Variants in MINK1 observed in about 807,000 individuals in gnomAD.
MINK1 encodes misshapen like kinase 1, also known as misshapen-like kinase 1.
A neutral mutation model predicts 178.4 loss-of-function variants in MINK1; 46 were observed. The observed-to-expected ratio is 0.26, with a 90% CI of 0.20 to 0.33. The LOEUF is 0.33. Among genes scored for constraint, MINK1 ranks in the 10% least tolerant of loss-of-function variants. The probability of loss-of-function intolerance (pLI) is 1.00; values close to 1 mark genes in which losing one functional copy is unlikely to be tolerated. For missense variants in MINK1, 1,366 were observed against 1,814.9 expected (o/e 0.75, Z 4.49); for synonymous variants, 797 against 709.7 (o/e 1.12, Z -1.96).
chr17:4,855,853 A>C (rs1913033283), intron 1 of MINK1, among the ~76,000 whole-genome samples: 1 of 151,686 alleles, frequency 6.6e-6, no homozygotes, highest in Non-Finnish European at 1.5e-5. Flanking sequence ...AGGCACCTGT[A>C]ATCCCAGCTA....
At position 4,885,648 on chromosome 17, in the gene MINK1, C is replaced by A; in HGVS notation, c.639+35C>A. 6.2e-7 allele frequency: 1 copy of A among 1,612,548 alleles called. No homozygotes were observed. The highest frequency in any genetic ancestry group is 1.3e-5 in the African/African-American group (1 of 74,978). ...GGAAAGTTGGGAGCATGGGGGCTGCCAAGGGCGGGAAGCAATATGGGGACC... is the reference window on the plus strand; with the variant it reads ...GGAAAGTTGGGAGCATGGGGGCTGCAAAGGGCGGGAAGCAATATGGGGACC... On this transcript the variant is annotated intron_variant, in intron 7 of 31. Coordinates refer to ENST00000355280, the MANE Select transcript of MINK1 (RefSeq NM_153827.5). The surrounding 1 kb of genome is among the most constrained non-coding windows in gnomAD (Gnocchi z 5.0).
chr17:4,855,837 G>C (rs1913030853), intron 1 of MINK1, among the ~76,000 whole-genome samples: 1 of 151,434 alleles, frequency 6.6e-6, no homozygotes, highest in South Asian at 2.1e-4. Context: ...AGCTGGATGT[G>C]GTAGCAGGCA....
Position 4,894,014 on chromosome 17 carries a change from G to A in MINK1, c.2591G>A (p.Ser864Asn), listed in dbSNP as rs1969156812. 2.5e-6 allele frequency: 4 copies of A among 1,588,568 alleles called. No homozygotes were observed. The highest frequency in any genetic ancestry group is 3.4e-6 in the Non-Finnish European group (4 of 1,166,756). The change falls in exon 22 of 32, where the codon AGC becomes AAC. Residue 864 changes from serine to asparagine, a missense_variant. Ser to Asn is a conservative substitution (Grantham distance 46). Around this residue, in one of 14 missense-constraint regions of MINK1, gnomAD observed 709 missense variants for 692.3 expected, o/e 1.02. Coordinates refer to ENST00000355280, the MANE Select transcript of MINK1 (RefSeq NM_153827.5). The surrounding 1 kb of genome is among the most constrained non-coding windows in gnomAD (Gnocchi z 4.1). ...AGCGATGGGGATACAGACAGCGTCA[G>A]CACCATGGTGGTCCACGACGTCGAG... Reference protein sequence around the residue: ...GRSDGDTDSVSTMVVHDVEEI... With the variant: ...GRSDGDTDSVNTMVVHDVEEI...
intron 1 of MINK1, among the ~76,000 whole-genome samples, chr17:4,834,025 A>G (rs1015520279): frequency 4.6e-5 from 7 of 151,688 alleles, no homozygotes; most frequent in African/African-American, 7.3e-5. Flanking sequence ...CCTTACTTCT[A>G]TCTTCTTCCT....
rs868856720 is a variant in MINK1, at chr17:4,889,663, G to A, written c.1247G>A (p.Arg416Gln). 23 of 1,564,578 alleles carry A rather than the reference G, an allele frequency of 1.5e-5. 1 individual carries two copies. Among genetic ancestry groups the A allele is most frequent in the South Asian group, 3.5e-5 (3 of 85,572 alleles). Reference sequence around the variant, plus strand: ...TCCCCACAGCAACAGCGGCGGGAGCGGGAGCAGCGGAAGCTGCAGGAGAAG... The same window carrying A: ...TCCCCACAGCAACAGCGGCGGGAGCAGGAGCAGCGGAAGCTGCAGGAGAAG... The part of the protein sequence containing the change: ...RRVEEQQRRE[R>Q]EQRKLQEKEQ... The change falls in exon 13 of 32, where the codon CGG (arginine) becomes CAG (glutamine). Residue 416 changes from arginine (R) to glutamine (Q), a missense_variant. Coordinates refer to ENST00000355280, the MANE Select transcript of MINK1 (RefSeq NM_153827.5).
intron 4 of MINK1, among the ~76,000 whole-genome samples, chr17:4,882,119 G>T (rs1353099429): frequency 8.5e-5 from 13 of 152,250 alleles, no homozygotes; most frequent in African/African-American, 3.1e-4. Context: ...TACCTGCCAG[G>T]TGTGTGTGGT....
chr17:4,872,929 C>T lies in MINK1; in HGVS notation c.58-5388C>T, dbSNP rs59946726. Among the ~76,000 whole-genome samples the T allele has an allele frequency of 2.6e-5, 4 of 152,338 alleles. No individual in the cohort carries two copies. The East Asian group carries it at 5.8e-4, about 22-fold the overall frequency. On this transcript the variant is annotated intron_variant, in intron 1 of 31. Transcript: ENST00000355280. Reference sequence around the variant, plus strand: ...CCCCCTTCCTCTCAAGGTTAGACTTCTCCAGAAAGGGTGCTGCCCTCATTT... The same window carrying T: ...CCCCCTTCCTCTCAAGGTTAGACTTTTCCAGAAAGGGTGCTGCCCTCATTT...
At chr17:4,873,705 A>G (rs1451845179) in intron 1 of MINK1, among the ~76,000 whole-genome samples, 1 of 134,244 alleles carries the variant, frequency 7.4e-6, no homozygotes, top group East Asian at 2.1e-4. Context: ...TGCAACCTCC[A>G]CCTCCTGAGT....
At position 4,884,989 on chromosome 17, in the gene MINK1, T is replaced by C; in HGVS notation, c.495T>C (p.Ala165=). 2 of 1,613,828 alleles carry C rather than the reference T, an allele frequency of 1.2e-6. No individual in the cohort carries two copies. The highest frequency in any genetic ancestry group is 1.1e-5 in the South Asian group (1 of 91,050). Reference sequence around the variant, plus strand: ...AGAATGTGCTGCTGACAGAGAATGCTGAGGTCAAGCTAGGTGCGCCGGCTC... The same window carrying C: ...AGAATGTGCTGCTGACAGAGAATGCCGAGGTCAAGCTAGGTGCGCCGGCTC... ...KGQNVLLTEN[A]EVKLVDFGVS... Residue 165 remains alanine (A), a synonymous_variant, in exon 6 of 32, where the codon GCT becomes GCC. Coordinates refer to ENST00000355280, the MANE Select transcript of MINK1 (RefSeq NM_153827.5).
rs559995174 is a variant in MINK1 at position 4,882,538 on chromosome 17, C to A, written c.306+1281C>A. Among the ~76,000 whole-genome samples, 11 of 152,314 alleles carry A rather than the reference C, an allele frequency of 7.2e-5. No homozygotes were observed. In the East Asian group the frequency reaches 2.1e-3, roughly 29 times the overall value. On this transcript the variant is annotated intron_variant, in intron 4 of 31. Transcript: ENST00000355280. ...TGCAATCTTTATGTCTCTAGCAGAC[C>A]TAGAGAATCACTATTTCTTAGCCCC...
In MINK1 at chr17:4,833,623, G is replaced by T. The variant is rs1179671306; in HGVS notation, c.40G>T (p.Asp14Tyr). The T allele has an allele frequency of 2.7e-6, 4 of 1,500,780 alleles. No homozygotes were observed. The highest frequency in any genetic ancestry group is 3.5e-6 in the Non-Finnish European group (4 of 1,131,768). 93.0% of individuals were successfully genotyped at this position (1,500,780 alleles called of 1,614,324 possible). ...CCCCGCCCGCAGCCTGGACGACATC[G>T]ACCTGTCCGCCCTGCGGGTGAGCGC... is the stretch of plus-strand genomic sequence containing the variant. ...PAPARSLDDI[D>Y]LSALRDPAGI... is the part of the protein sequence containing the mutation. The change falls in exon 1 of 32, where the codon GAC (aspartate) becomes TAC (tyrosine). Residue 14 changes from aspartate to tyrosine, a missense_variant. Physicochemically the swap from Asp to Tyr is radical, Grantham distance 160 (BLOSUM62 -3). This residue lies in a region of MINK1 where 22 missense variants were observed against 21.7 expected (regional missense o/e 1.01). Coordinates refer to ENST00000355280, the MANE Select transcript of MINK1 (RefSeq NM_153827.5). The surrounding 1 kb of genome is among the most constrained non-coding windows in gnomAD (Gnocchi z 4.8).
Position 4,891,666 on chromosome 17 carries a change from A to G in MINK1, c.1951A>G (p.Ser651Gly), listed in dbSNP as rs200036545. 3.4e-5 allele frequency: 54 copies of G among 1,601,014 alleles called. No homozygotes were observed. The East Asian group carries it at 1.2e-3, about 35-fold the overall frequency. The change falls in exon 16 of 32, where the codon AGC (serine) becomes GGC (glycine). Residue 651 changes from serine to glycine, a missense_variant. Ser to Gly is a moderately conservative substitution (Grantham distance 56, BLOSUM62 0). Coordinates refer to ENST00000355280, the MANE Select transcript of MINK1 (RefSeq NM_153827.5). ...SDPTSEGPGP[S>G]PNPPAWVRPD... ...CCCCACCTCTGAAGGACCTGGCCCC[A>G]GCCCGAATCCCCCAGCCTGGGTCCG...
At position 4,887,090 on chromosome 17, in the gene MINK1, G is replaced by C. The variant is rs372570368; in HGVS notation, c.950-20G>C. ...GTCTGGGGCGCTGGGTGAGATAACT[G>C]CAGTGGCCTCCCCCTGCAGAGGAGA... On this transcript the variant is annotated intron_variant, in intron 10 of 31. Coordinates refer to ENST00000355280, the MANE Select transcript of MINK1 (RefSeq NM_153827.5). The surrounding 1 kb of genome is among the most constrained non-coding windows in gnomAD (Gnocchi z 7.6). The C allele has an allele frequency of 1.5e-5, 24 of 1,574,226 alleles. No individual in the cohort carries two copies. The highest frequency in any genetic ancestry group is 1.9e-5 in the Admixed American group (1 of 53,668).
chr17:4,885,822 GCTC>G lies in MINK1; in HGVS notation c.640-86_640-84del. On this transcript the variant is annotated intron_variant, in intron 7 of 31. Transcript: ENST00000355280. This position sits in a 1 kb window ranked among gnomAD's most constrained non-coding sequence, Gnocchi z 5.0. ...GCAGGAATGGGTGTGGCCCAGGAAG[GCTC>G]CTGAGAGGCCAGGATGGTGGGTGAA... is the stretch of plus-strand genomic sequence containing the variant. 7.4e-6 allele frequency: 11 copies of G among 1,489,360 alleles called. No individual in the cohort carries two copies. The highest frequency in any genetic ancestry group is 9.3e-6 in the Non-Finnish European group (10 of 1,080,196). The allele number at this position is 1,489,360 out of a possible 1,614,324, so 92.3% of individuals were successfully genotyped here.
chr17:4,859,291 C>T (rs988580593), intron 1 of MINK1: 4 of 985,304 alleles, frequency 4.1e-6, no homozygotes, highest in Non-Finnish European at 4.8e-6. Flanking sequence ...TTTCCAGCAC[C>T]GAAATTCAAG....
intron 1 of MINK1, among the ~76,000 whole-genome samples, chr17:4,834,027 C>A (rs187314151): frequency 1.3e-5 from 2 of 152,102 alleles, no homozygotes; most frequent in Non-Finnish European, 2.9e-5. Context: ...TTACTTCTAT[C>A]TTCTTCCTTC....
chr17:4,871,018 C>G, intron 1 of MINK1: 1 of 307,950 alleles, frequency 3.2e-6, no homozygotes, highest in South Asian at 2.3e-5. Context: ...ATCTACTTCT[C>G]ATCTCTTTAG....
chr17:4,891,276 C>T (rs1045977012), intron 15 of MINK1, among the ~76,000 whole-genome samples, 152 bp downstream of exon 15: 16 of 152,152 alleles, frequency 1.1e-4, no homozygotes, highest in African/African-American at 3.6e-4. Context: ...TGGACAGACT[C>T]ACTCACCTGC....
In MINK1 at chr17:4,839,088, C is replaced by T. The variant is rs955539442; in HGVS notation, c.57+5448C>T. 1.8e-4 allele frequency among the ~76,000 whole-genome samples: 28 copies of T among 152,080 alleles called. 1 individual carries two copies. In the South Asian group the frequency reaches 3.9e-3, roughly 21 times the overall value. ...CCTCCCGAGTAGCTGGGACTATAGG[C>T]GCCCGCCACAATGCCTGGCTAATTT... On this transcript the variant is annotated intron_variant, in intron 1 of 31. Coordinates refer to ENST00000355280, the MANE Select transcript of MINK1 (RefSeq NM_153827.5).
Sources: gnomAD v4.1 joint callset for allele counts (sites outside exome capture counted in the v4.1 genomes callset) on GRCh38, gnomAD v4.1.1 for gene constraint, gnomAD v4.1.1 regional missense constraint, Gnocchi (gnomAD v3.1) non-coding constraint, MANE v1.5 for transcripts, NCBI Gene and HGNC (gene_info 2026-07-23, HGNC 2026-07-21) for gene names.